Variants in ZNF778 observed in about 807,000 individuals in gnomAD.
ZNF778 encodes the protein zinc finger protein 778.
In ZNF778, 37 loss-of-function variants were observed where a neutral mutation model predicts 23.9. The ratio of observed to expected loss-of-function variants is 1.54; its 90% CI spans 1.19 to 2.03. ZNF778 has a LOEUF of 2.03. Among genes scored for constraint, ZNF778 ranks in the 30% most tolerant of loss-of-function variants. ZNF778 has a pLI of 0.00. For synonymous variants in ZNF778, 483 were observed against 343.9 expected (o/e 1.40, Z -4.48); for missense variants, 1,297 against 934.4 (o/e 1.39, Z -5.06).
chr16:89,221,038 A>G lies in ZNF778; in HGVS notation c.-90A>G. ...CATCCGTGGGTCAGGAGGAATGGAG[A>G]CTGTACCTTCCACATAGATTCACAA... On this transcript the variant is annotated 5_prime_UTR_variant, in exon 2 of 7. Coordinates refer to ENST00000433976, the MANE Select transcript of ZNF778 (RefSeq NM_001201407.2). 1 of 1,448,908 alleles carries G rather than the reference A, an allele frequency of 6.9e-7. No homozygotes were observed. The highest frequency in any genetic ancestry group is 9.5e-7 in the Non-Finnish European group (1 of 1,056,252). The allele number at this position is 1,448,908 out of a possible 1,614,324, so 89.8% of individuals were successfully genotyped here. A position where few individuals can be genotyped will look rare whatever the true frequency, so the allele number is the denominator to read the frequency against.
At chr16:89,219,218 C>T (rs1010454664) in intron 1 of ZNF778, among the ~76,000 whole-genome samples, 1 of 152,224 alleles carries the variant, frequency 6.6e-6, no homozygotes. Flanking sequence ...ATTTTGGGGA[C>T]TAAGAGCCCT....
At chr16:89,221,442 T>A (rs901395428) in intron 2 of ZNF778, among the ~76,000 whole-genome samples, 2 of 152,202 alleles carry the variant, frequency 1.3e-5, no homozygotes, top group African/African-American at 4.8e-5. Flanking sequence ...CATTTCCTGA[T>A]GGGCGGCATA....
Position 89,228,466 on chromosome 16 carries a change from G to A in ZNF778, c.2178G>A (p.Glu726=), listed in dbSNP as rs370145603. Residue 726 remains glutamate, a synonymous_variant, in exon 7 of 7, where the codon GAG becomes GAA. Coordinates refer to ENST00000433976, the MANE Select transcript of ZNF778 (RefSeq NM_001201407.2). ...LKEHLKTYTE[E]QVFVCKDCGK... ...AACATTTAAAAACTTACACTGAAGA[G>A]CAGGTTTTTGTATGTAAGGACTGTG... The A allele has an allele frequency of 8.1e-6, 13 of 1,613,654 alleles. No individual in the cohort carries two copies. In the African/African-American group the frequency reaches 1.6e-4, roughly 20 times the overall value.
chr16:89,228,474 T>C lies in ZNF778; in HGVS notation c.2186T>C (p.Phe729Ser), dbSNP rs1434609887. ...HLKTYTEEQVFVCKDCGKSFK... is the reference protein window; with the variant it reads ...HLKTYTEEQVSVCKDCGKSFK... ...AAAACTTACACTGAAGAGCAGGTTT[T>C]TGTATGTAAGGACTGTGGAAAATCT... The change falls in exon 7 of 7, where the codon TTT (phenylalanine) becomes TCT (serine). Residue 729 changes from phenylalanine (F) to serine (S), a missense_variant. Physicochemically the swap from Phe to Ser is radical, Grantham distance 155. Transcript: ENST00000433976. 3 of 1,613,662 alleles carry C rather than the reference T, an allele frequency of 1.9e-6. No homozygotes were observed. Among genetic ancestry groups the C allele is most frequent in the Non-Finnish European group, 8.5e-7 (1 of 1,179,842 alleles).
rs2032183861 is a variant in ZNF778 at position 89,234,548 on chromosome 16, TG to T, written c.*5987del. The T allele has an allele frequency of 5.9e-6, 1 of 170,512 alleles. No individual in the cohort carries two copies. The highest frequency in any genetic ancestry group is 1.3e-5 in the Non-Finnish European group (1 of 78,522). The allele number at this position is 170,512 out of a possible 1,614,324, so 10.6% of individuals were successfully genotyped here. On this transcript the variant is annotated 3_prime_UTR_variant, in exon 7 of 7. Coordinates refer to ENST00000433976, the MANE Select transcript of ZNF778 (RefSeq NM_001201407.2). ...TAGAAATAGTGAGGCTGTTGTGAGGTGAGTCACCACTTGTGACTTAGAAGAT... is the reference window on the plus strand; with the variant it reads ...TAGAAATAGTGAGGCTGTTGTGAGGTAGTCACCACTTGTGACTTAGAAGAT...
chr16:89,224,797 T>C lies in ZNF778; in HGVS notation c.323T>C (p.Leu108Pro). 7.2e-6 allele frequency: 10 copies of C among 1,381,334 alleles called. 1 individual carries two copies. The South Asian group carries it at 1.1e-4, about 15-fold the overall frequency. 85.6% of individuals were successfully genotyped at this position (1,381,334 alleles called of 1,614,324 possible). A position where few individuals can be genotyped will look rare whatever the true frequency, so the allele number is the denominator to read the frequency against. The change falls in exon 5 of 7, where the codon CTC becomes CCC. Residue 108 changes from leucine to proline, a missense_variant. Transcript: ENST00000433976. ...TTGAGGGCAGGGCGGAGAGCAGTTC[T>C]CCAAGGTAAGTGTGAAGAGCACGCC... ...EELRAGRRAV[L>P]QEWRLKTKGP...
chr16:89,232,695 G>C lies in ZNF778; in HGVS notation c.*4133G>C. On this transcript the variant is annotated 3_prime_UTR_variant, in exon 7 of 7. Transcript: ENST00000433976. Reference sequence around the variant, plus strand: ...TTCATCCTGGGGTCTTGCTGTGGGGGCTAGACCGTCCCTCTCAGGCTAGAT... The same window carrying C: ...TTCATCCTGGGGTCTTGCTGTGGGGCCTAGACCGTCCCTCTCAGGCTAGAT... 1 of 1,261,742 alleles carries C rather than the reference G, an allele frequency of 7.9e-7. No homozygotes were observed. The allele number at this position is 1,261,742 out of a possible 1,614,324, so 78.2% of individuals were successfully genotyped here.
chr16:89,219,927 C>G (rs1445391990), intron 1 of ZNF778, among the ~76,000 whole-genome samples: 1 of 152,216 alleles, frequency 6.6e-6, no homozygotes, highest in African/African-American at 2.4e-5. Flanking sequence ...GACTGCTGAA[C>G]TCGTAGAAAC....
intron 4 of ZNF778, among the ~76,000 whole-genome samples, chr16:89,224,105 G>C (rs1007706304): frequency 1.4e-5 from 2 of 144,810 alleles, no homozygotes; most frequent in Non-Finnish European, 1.5e-5. Context: ...GCTGTAATCC[G>C]AGCACTCTGG....
intron 1 of ZNF778, among the ~76,000 whole-genome samples, chr16:89,220,069 G>T (rs546394545): frequency 6.6e-6 from 1 of 152,208 alleles, no homozygotes; most frequent in Non-Finnish European, 1.5e-5. Context: ...CTGAGGGTCA[G>T]GTCCTCTGGG....
rs775215046 is a variant in ZNF778, at chr16:89,227,250, C to T, written c.962C>T (p.Ser321Phe). Residue 321 changes from serine to phenylalanine, a missense_variant, in exon 7 of 7, where the codon TCT becomes TTT. Transcript: ENST00000433976. ...GAATGTGGAAAAGCCTCCCCTGTTT[C>T]TTCCAGCCTAACTCAACATGTAAGA... is the stretch of plus-strand genomic sequence containing the variant. ...LEECGKASPV[S>F]SSLTQHVRIH... 1 of 1,613,988 alleles carries T rather than the reference C, an allele frequency of 6.2e-7. No homozygotes were observed. Among genetic ancestry groups the T allele is most frequent in the Non-Finnish European group, 8.5e-7 (1 of 1,179,872 alleles).
rs2031318901 is a variant in ZNF778 at position 89,224,805 on chromosome 16, A to AGTC, written c.328+3_328+4insGTC. ...AGGGCGGAGAGCAGTTCTCCAAGGT[A>AGTC]AGTGTGAAGAGCACGCCTGGTCGAT... On this transcript the variant is annotated splice_donor_region_variant and intron_variant, in intron 5 of 6. Transcript: ENST00000433976. 1.7e-5 allele frequency: 9 copies of AGTC among 532,744 alleles called. No homozygotes were observed. The highest frequency in any genetic ancestry group is 2.8e-5 in the Non-Finnish European group (9 of 319,846). The allele number at this position is 532,744 out of a possible 1,614,324, so 33.0% of individuals were successfully genotyped here. A position where few individuals can be genotyped will look rare whatever the true frequency, so the allele number is the denominator to read the frequency against.
intron 2 of ZNF778, 92 bp downstream of exon 2, chr16:89,221,244 C>CA (rs747525858): frequency 8.5e-6 from 12 of 1,414,748 alleles, no homozygotes; most frequent in Middle Eastern, 2.4e-4. Flanking sequence ...CCTGAGTAGT[C>CA]ACGCTCCGGG....
rs2031735267 is a variant in ZNF778 at position 89,228,796 on chromosome 16, T to G, written c.*234T>G. 1 of 1,293,116 alleles carries G rather than the reference T, an allele frequency of 7.7e-7. No individual in the cohort carries two copies. Among genetic ancestry groups the G allele is most frequent in the Non-Finnish European group, 9.8e-7 (1 of 1,021,622 alleles). The allele number at this position is 1,293,116 out of a possible 1,614,324, so 80.1% of individuals were successfully genotyped here. ...TGGTATCCAGTAGAGAGAACTCTAT[T>G]GATGTGTGATATGCAGCAGCATTGT... On this transcript the variant is annotated 3_prime_UTR_variant, in exon 7 of 7. Coordinates refer to ENST00000433976, the MANE Select transcript of ZNF778 (RefSeq NM_001201407.2).
chr16:89,227,909 G>A lies in ZNF778; in HGVS notation c.1621G>A (p.Ala541Thr), dbSNP rs2031643551. 1 of 1,613,972 alleles carries A rather than the reference G, an allele frequency of 6.2e-7. No homozygotes were observed. ...CTATGAATGTAAGGACTGTGGGAAA[G>A]CCTACAATAGGGTTTATCTACTGAA... ...KPYECKDCGK[A>T]YNRVYLLNEH... Residue 541 changes from alanine (A) to threonine (T), a missense_variant, in exon 7 of 7, where the codon GCC (alanine) becomes ACC (threonine). Transcript: ENST00000433976.
rs1567508200 is a variant in ZNF778 at position 89,228,291 on chromosome 16, CAG to C, written c.2004_2005del (p.Gly669ArgfsTer7). ...CTTATCGAACACAGAAGGACTCACA[CAG>C]GAGAGAAACCTTACATATGTAACGA... is the stretch of plus-strand genomic sequence containing the variant. On this transcript the variant is annotated frameshift_variant, in exon 7 of 7. Transcript: ENST00000433976. LOFTEE classifies it low-confidence loss of function (END_TRUNC). 1 of 1,605,638 alleles carries C rather than the reference CAG, an allele frequency of 6.2e-7. No individual in the cohort carries two copies. Among genetic ancestry groups the C allele is most frequent in the Non-Finnish European group, 8.5e-7 (1 of 1,173,246 alleles).
chr16:89,219,164 A>T (rs1006480148), intron 1 of ZNF778, among the ~76,000 whole-genome samples: 1 of 151,192 alleles, frequency 6.6e-6, no homozygotes, highest in Non-Finnish European at 1.5e-5. Context: ...ACTTTGTGTA[A>T]TATCTAGGAT....
At position 89,234,418 on chromosome 16, in the gene ZNF778, A is replaced by G. The variant is rs56207237; in HGVS notation, c.*5856A>G. The G allele has an allele frequency of 0.045, 10,428 of 231,648 alleles. 434 individuals are homozygous for G. The highest frequency in any genetic ancestry group is 0.18 in the East Asian group (1,619 of 9,162). 14.3% of individuals were successfully genotyped at this position (231,648 alleles called of 1,614,324 possible). A position where few individuals can be genotyped will look rare whatever the true frequency, so the allele number is the denominator to read the frequency against. ...GGGGTGTTGGTTTGCACTTCTCTTC[A>G]TTACTGATAGTATGAACATGGTTTT... On this transcript the variant is annotated 3_prime_UTR_variant, in exon 7 of 7. Transcript: ENST00000433976.
Position 89,225,470 on chromosome 16 carries a change from CT to C in ZNF778, c.329-82del, listed in dbSNP as rs1241117915. ...GCCAAACTCCTTAAATCTATCTTTG[CT>C]TTGTTTTTTTTTCTGCCATGTCTTA... On this transcript the variant is annotated intron_variant, in intron 5 of 6. Coordinates refer to ENST00000433976, the MANE Select transcript of ZNF778 (RefSeq NM_001201407.2). The C allele has an allele frequency of 7.9e-6, 9 of 1,137,350 alleles. No individual in the cohort carries two copies. In the East Asian group the frequency reaches 2.4e-4, roughly 30 times the overall value. 70.5% of individuals were successfully genotyped at this position (1,137,350 alleles called of 1,614,324 possible).
Sources: allele counts gnomAD v4.1 joint callset (sites outside exome capture counted in the v4.1 genomes callset), GRCh38; gene constraint gnomAD v4.1.1; transcripts MANE v1.5; gene names NCBI Gene and HGNC (gene_info 2026-07-23, HGNC 2026-07-21).